Variants in FGFR1 observed in about 807,000 individuals in gnomAD.
FGFR1 encodes fibroblast growth factor receptor 1, also known as FGFR1/PLAG1 fusion.
Under a neutral mutation model 93.7 loss-of-function variants are expected in FGFR1, and 18 were observed. The observed-to-expected ratio is 0.19, with a 90% CI of 0.13 to 0.28. The LOEUF (loss-of-function observed/expected upper bound fraction) is 0.28, where lower values mean the gene tolerates loss of function less well. Ranked by LOEUF, FGFR1 falls within the 10% of genes least tolerant of loss-of-function variation. FGFR1 has a pLI of 1.00. For missense variants in FGFR1, 731 were observed against 1,080.4 expected (o/e 0.68, Z 4.53); for synonymous variants, 448 against 429.3 (o/e 1.04, Z -0.54).
At chr8:38,467,306 AAGCAGATTC>A (rs1434764177) in intron 1 of FGFR1, among the ~76,000 whole-genome samples, 2 of 151,932 alleles carry the variant, frequency 1.3e-5, no homozygotes, top group East Asian at 3.9e-4. Flanking sequence ...CTCTCAGCTC[AAGCAGATTC>A]AGCCATTTGG....
At chr8:38,417,576 C>T (rs528364956) in intron 11 of FGFR1, 160 bp from the exon 12 acceptor site, 44 of 764,762 alleles carry the variant, frequency 5.8e-5, no homozygotes, top group Middle Eastern at 2.7e-4. Context: ...TCATGGGAGC[C>T]GTTGTTGCAA....
At chr8:38,415,024 C>T in intron 13 of FGFR1, 123 bp from the exon 14 acceptor site, 1 of 730,784 alleles carries the variant, frequency 1.4e-6, no homozygotes, top group Non-Finnish European at 2.3e-6. Context: ...TGCTCTGCCC[C>T]CCGAACCTTT....
Position 38,414,411 on chromosome 8 carries a change from C to G in FGFR1, c.2049-122G>C, listed in dbSNP as rs1380770821. 5 of 1,558,336 alleles carry G rather than the reference C, an allele frequency of 3.2e-6. No homozygotes were observed. In the East Asian group the frequency reaches 1.2e-4, roughly 36 times the overall value. ...GGAGAACAGATCAGCCTTTCAACAT[C>G]TGGAGCAGAGGGAATGGCCACAGAC... is the stretch of plus-strand genomic sequence containing the variant. On this transcript the variant is annotated intron_variant, in intron 15 of 17. Transcript: ENST00000447712.
intron 8 of FGFR1, 79 bp from the exon 9 acceptor site, chr8:38,419,814 A>C: frequency 8.0e-7 from 1 of 1,245,574 alleles, no homozygotes; most frequent in Non-Finnish European, 1.2e-6. Context: ...GAAAAGCAAC[A>C]CCTGTCTCCT....
chr8:38,448,762 C>T (rs1414160344), intron 2 of FGFR1, among the ~76,000 whole-genome samples: 1 of 151,946 alleles, frequency 6.6e-6, no homozygotes, highest in East Asian at 1.9e-4. Flanking sequence ...CAAGACCAGA[C>T]TGGCCAACAT....
chr8:38,450,014 C>T (rs942688135), intron 2 of FGFR1, among the ~76,000 whole-genome samples: 1 of 152,236 alleles, frequency 6.6e-6, no homozygotes, highest in Non-Finnish European at 1.5e-5. Context: ...GGCCCTGCTA[C>T]TTGGCTGCCA....
chr8:38,457,512 C>T lies in FGFR1; in HGVS notation c.-66G>A, dbSNP rs548408836. 1.5e-5 allele frequency: 24 copies of T among 1,605,720 alleles called. No individual in the cohort carries two copies. Among genetic ancestry groups the T allele is most frequent in the South Asian group, 7.8e-5 (7 of 90,036 alleles). Reference sequence around the variant, plus strand: ...CTCCATGGATACTCCACAGTGAGCTCGATCCTCCTTTTCAAACTGACCCTG... The same window carrying T: ...CTCCATGGATACTCCACAGTGAGCTTGATCCTCCTTTTCAAACTGACCCTG... On this transcript the variant is annotated 5_prime_UTR_variant, in exon 2 of 18. Transcript: ENST00000447712.
intron 13 of FGFR1, among the ~76,000 whole-genome samples, chr8:38,415,281 C>T (rs976656528): frequency 6.6e-5 from 10 of 152,164 alleles, no homozygotes; most frequent in Non-Finnish European, 1.2e-4. Flanking sequence ...AACAATTCTA[C>T]AACAGGTATT....
rs1404353784 is a variant in FGFR1, at chr8:38,424,337, T to C, written c.936+172A>G. The C allele has an allele frequency of 1.3e-6, 1 of 773,058 alleles. No homozygotes were observed. The highest frequency in any genetic ancestry group is 2.3e-6 in the Non-Finnish European group (1 of 436,274). The allele number at this position is 773,058 out of a possible 1,614,324, so 47.9% of individuals were successfully genotyped here. A position where few individuals can be genotyped will look rare whatever the true frequency, so the allele number is the denominator to read the frequency against. On this transcript the variant is annotated intron_variant, in intron 7 of 17. Transcript: ENST00000447712. The surrounding 1 kb of genome is among the most constrained non-coding windows in gnomAD (Gnocchi z 4.3). ...CTCACCTCCACTTTGTGACCTCTGT[T>C]ACTAGTCCTGGGGGATGTGGCTAGA...
chr8:38,437,118 G>A (rs1446762882), intron 2 of FGFR1, among the ~76,000 whole-genome samples: 1 of 152,128 alleles, frequency 6.6e-6, no homozygotes, highest in Non-Finnish European at 1.5e-5. Flanking sequence ...GAACTTAAGT[G>A]ATCCACCCAC....
chr8:38,444,950 G>C (rs1197713486), intron 2 of FGFR1, among the ~76,000 whole-genome samples: 3 of 152,140 alleles, frequency 2.0e-5, no homozygotes, highest in East Asian at 1.9e-4. Flanking sequence ...CAGCCAGAGA[G>C]AGTACCTGAA....
intron 1 of FGFR1, among the ~76,000 whole-genome samples, chr8:38,463,566 G>A (rs1563649812): frequency 6.6e-6 from 1 of 152,082 alleles, no homozygotes; most frequent in Non-Finnish European, 1.5e-5. Flanking sequence ...CATGTACACA[G>A]GAGATGCCAA....
Position 38,413,038 on chromosome 8 carries a change from C to T in FGFR1, c.*590G>A, listed in dbSNP as rs1262030961. ...CCCAGTTTGGGGCTGGGCCCCAGGGCCACAACACTGCCCCCAACCTGGCCT... is the reference window on the plus strand; with the variant it reads ...CCCAGTTTGGGGCTGGGCCCCAGGGTCACAACACTGCCCCCAACCTGGCCT... On this transcript the variant is annotated 3_prime_UTR_variant, in exon 18 of 18. Transcript: ENST00000447712. This position sits in a 1 kb window ranked among gnomAD's most constrained non-coding sequence, Gnocchi z 4.2. The T allele has an allele frequency of 5.9e-5, 14 of 236,888 alleles. No homozygotes were observed. In the Admixed American group the frequency reaches 7.6e-4, roughly 13 times the overall value. 14.7% of individuals were successfully genotyped at this position (236,888 alleles called of 1,614,324 possible). A position where few individuals can be genotyped will look rare whatever the true frequency, so the allele number is the denominator to read the frequency against.
intron 2 of FGFR1, among the ~76,000 whole-genome samples, chr8:38,450,885 G>T (rs1830849574): frequency 6.6e-6 from 1 of 152,128 alleles, no homozygotes; most frequent in African/African-American, 2.4e-5. Context: ...TGCTGCGCTT[G>T]CCCCAGCTTG....
intron 1 of FGFR1, among the ~76,000 whole-genome samples, chr8:38,461,988 A>G (rs1339728369): frequency 6.6e-6 from 1 of 152,166 alleles, no homozygotes; most frequent in African/African-American, 2.4e-5. Context: ...TTCATGTCTT[A>G]TATTCTAGAC....
At chr8:38,440,397 G>A in intron 2 of FGFR1, 1 of 1,555,544 alleles carries the variant, frequency 6.4e-7, no homozygotes. Flanking sequence ...GGTGGAGAGA[G>A]CCCCAAAAAT....
chr8:38,419,753 G>T lies in FGFR1; in HGVS notation c.1082-18C>A. 1 of 1,611,810 alleles carries T rather than the reference G, an allele frequency of 6.2e-7. No individual in the cohort carries two copies. The highest frequency in any genetic ancestry group is 8.5e-7 in the Non-Finnish European group (1 of 1,178,258). ...TTCCAGGGCTGAGTCAGTGCGAACA[G>T]GGTGTTAGCAGGCTTGGAGGGCCCC... On this transcript the variant is annotated intron_variant, in intron 8 of 17. Coordinates refer to ENST00000447712, the MANE Select transcript of FGFR1 (RefSeq NM_023110.3).
intron 2 of FGFR1, among the ~76,000 whole-genome samples, chr8:38,445,711 T>C (rs1488698217): frequency 6.6e-6 from 1 of 151,824 alleles, no homozygotes; most frequent in Non-Finnish European, 1.5e-5. Flanking sequence ...GTTATTTTTT[T>C]TTTTTTTTAA....
At chr8:38,458,756 C>T (rs558913155) in intron 1 of FGFR1, 3 of 219,608 alleles carry the variant, frequency 1.4e-5, no homozygotes, top group East Asian at 6.7e-5. Context: ...CTCCTGGGTA[C>T]TTTCTTTTTG....
Sources: gnomAD v4.1 joint callset for allele counts (sites outside exome capture counted in the v4.1 genomes callset) on GRCh38, gnomAD v4.1.1 for gene constraint, Gnocchi (gnomAD v3.1) non-coding constraint, MANE v1.5 for transcripts, NCBI Gene and HGNC (gene_info 2026-07-23, HGNC 2026-07-21) for gene names.